Variants in CSRNP3 observed in about 807,000 individuals in gnomAD.
CSRNP3 encodes cysteine and serine rich nuclear protein 3, also known as cysteine/serine-rich nuclear protein 3.
In CSRNP3, 12 loss-of-function variants were observed where a neutral mutation model predicts 48.0. The observed-to-expected ratio is 0.25, with a 90% CI of 0.16 to 0.41. The LOEUF is 0.41. Among genes scored for constraint, CSRNP3 ranks in the 10% least tolerant of loss-of-function variants. The pLI is 1.00. For synonymous variants in CSRNP3, 263 were observed against 269.7 expected (o/e 0.98, Z 0.24); for missense variants, 580 against 724.4 (o/e 0.80, Z 2.29).
intron 3 of CSRNP3, among the ~76,000 whole-genome samples, chr2:165,580,377 A>C (rs1685524061): frequency 6.6e-6 from 1 of 152,172 alleles, no homozygotes; most frequent in African/African-American, 2.4e-5. Flanking sequence ...GCTTAATGCA[A>C]AGTCAGCTTC....
intron 4 of CSRNP3, among the ~76,000 whole-genome samples, chr2:165,638,224 G>A (rs913902225): frequency 6.6e-6 from 1 of 152,180 alleles, no homozygotes; most frequent in Non-Finnish European, 1.5e-5. Flanking sequence ...CACTTTGGGA[G>A]GCCAAGGCAG....
At chr2:165,469,911 C>G (rs1207970688) in intron 1 of CSRNP3, among the ~76,000 whole-genome samples, 171 bp downstream of exon 1, 1 of 152,068 alleles carries the variant, frequency 6.6e-6, no homozygotes, top group Admixed American at 6.6e-5. Context: ...GCTTGCTGTT[C>G]TTTCTCTCTG....
chr2:165,628,548 AC>A (rs2105324626), intron 4 of CSRNP3, among the ~76,000 whole-genome samples: 2 of 151,854 alleles, frequency 1.3e-5, no homozygotes, highest in South Asian at 4.2e-4. Flanking sequence ...ACGTGGTGAA[AC>A]CCCGTCTCTA....
intron 2 of CSRNP3, among the ~76,000 whole-genome samples, chr2:165,508,527 C>T (rs570448783): frequency 6.6e-6 from 1 of 152,206 alleles, no homozygotes; most frequent in South Asian, 2.1e-4. Flanking sequence ...CCTTCATTCA[C>T]ATCTCTTGCC....
chr2:165,610,169 G>T (rs554396990), intron 4 of CSRNP3, among the ~76,000 whole-genome samples: 1 of 152,292 alleles, frequency 6.6e-6, no homozygotes, highest in Non-Finnish European at 1.5e-5. Context: ...AAGCAGTCAG[G>T]CGAGCCTTTG....
At position 165,592,281 on chromosome 2, in the gene CSRNP3, T is replaced by G. The variant is rs529294490; in HGVS notation, c.-23-2762T>G. Among the ~76,000 whole-genome samples the G allele has an allele frequency of 9.2e-5, 14 of 152,284 alleles. No homozygotes were observed. The South Asian group carries it at 2.9e-3, about 32-fold the overall frequency. On this transcript the variant is annotated intron_variant, in intron 3 of 6. Transcript: ENST00000651982. The stretch of plus-strand genomic sequence containing the variant: ...CCTTTGTTTTGGACAATTTCTCCCA[T>G]TAGGAACAGGTGTGTTTACCCAATG...
At chr2:165,639,308 A>T (rs1442361842) in intron 4 of CSRNP3, among the ~76,000 whole-genome samples, 1 of 152,196 alleles carries the variant, frequency 6.6e-6, no homozygotes, top group Non-Finnish European at 1.5e-5. Context: ...GGCAAAAGTC[A>T]CCTTGTTCAG....
intron 4 of CSRNP3, among the ~76,000 whole-genome samples, chr2:165,642,746 G>A (rs1439837983): frequency 3.3e-5 from 5 of 152,114 alleles, no homozygotes; most frequent in Non-Finnish European, 7.3e-5. Flanking sequence ...ATTTTTAGTA[G>A]AGATGGGGTT....
At chr2:165,661,459 A>G (rs1039678361) in intron 5 of CSRNP3, among the ~76,000 whole-genome samples, 2 of 152,172 alleles carry the variant, frequency 1.3e-5, no homozygotes, top group Non-Finnish European at 1.5e-5. Context: ...TCATGATTGC[A>G]TGGCTGACAG....
At chr2:165,471,242 T>C (rs1369866688) in intron 1 of CSRNP3, among the ~76,000 whole-genome samples, 4 of 151,998 alleles carry the variant, frequency 2.6e-5, no homozygotes, top group Non-Finnish European at 5.9e-5. Flanking sequence ...TTTTGAACTG[T>C]TTCTGGATTT....
chr2:165,561,727 T>A (rs2105267412), intron 3 of CSRNP3, among the ~76,000 whole-genome samples: 1 of 152,280 alleles, frequency 6.6e-6, no homozygotes, highest in East Asian at 1.9e-4. Flanking sequence ...CCACAGTATG[T>A]TCTTTCTCTT....
Position 165,514,191 on chromosome 2 carries a change from A to G in CSRNP3, c.-112-3682A>G, listed in dbSNP as rs1350251860. 1.3e-5 allele frequency among the ~76,000 whole-genome samples: 2 copies of G among 152,256 alleles called. 1 individual carries two copies. ...AACATTTTTTATAATACCAGGAATG[A>G]TTATATTTATCCTTGAATCAGCTGT... On this transcript the variant is annotated intron_variant, in intron 2 of 6. Coordinates refer to ENST00000651982, the MANE Select transcript of CSRNP3 (RefSeq NM_001172173.2).
chr2:165,648,741 C>A (rs1474818554), intron 4 of CSRNP3, among the ~76,000 whole-genome samples: 1 of 152,058 alleles, frequency 6.6e-6, no homozygotes, highest in African/African-American at 2.4e-5. Context: ...GCTAGTTTTG[C>A]AAAGTGATCA....
intron 4 of CSRNP3, among the ~76,000 whole-genome samples, chr2:165,644,543 C>T (rs2105336831): frequency 6.6e-6 from 1 of 152,160 alleles, no homozygotes. Flanking sequence ...CCTGAGGGTT[C>T]CATAGTAAGA....
intron 3 of CSRNP3, among the ~76,000 whole-genome samples, chr2:165,573,360 A>AT (rs1331311905): frequency 6.6e-6 from 1 of 152,280 alleles, no homozygotes; most frequent in South Asian, 2.1e-4. Flanking sequence ...CTTTATGTAT[A>AT]TTTATAAAAT....
intron 4 of CSRNP3, among the ~76,000 whole-genome samples, chr2:165,611,059 G>T (rs1028834655): frequency 4.6e-5 from 7 of 152,056 alleles, no homozygotes; most frequent in African/African-American, 1.7e-4. Flanking sequence ...CATTTATCAA[G>T]GACAATTTGC....
intron 4 of CSRNP3, among the ~76,000 whole-genome samples, chr2:165,616,442 C>T (rs914190531): frequency 3.3e-5 from 5 of 152,094 alleles, no homozygotes; most frequent in South Asian, 4.1e-4. Context: ...AAGCATTTCC[C>T]GTAGGACCAG....
chr2:165,649,737 G>T (rs1686874215), intron 4 of CSRNP3, among the ~76,000 whole-genome samples: 1 of 152,092 alleles, frequency 6.6e-6, no homozygotes, highest in African/African-American at 2.4e-5. Context: ...ATTTTTGAAT[G>T]CTACTTTCAT....
At chr2:165,476,160 A>G (rs186108436) in intron 1 of CSRNP3, among the ~76,000 whole-genome samples, 23 of 152,358 alleles carry the variant, frequency 1.5e-4, no homozygotes, top group Middle Eastern at 3.4e-3. Flanking sequence ...ACATTTGATT[A>G]AAGTTAAAAT....
Sources: gnomAD v4.1 joint callset for allele counts (sites outside exome capture counted in the v4.1 genomes callset) on GRCh38, gnomAD v4.1.1 for gene constraint, MANE v1.5 for transcripts, NCBI Gene and HGNC (gene_info 2026-07-23, HGNC 2026-07-21) for gene names.